The following MICAL2 variants were observed in gnomAD, a reference collection of about 807,000 sequenced individuals.
MICAL2 encodes the protein [F-actin]-monooxygenase MICAL2.
In MICAL2, 77 loss-of-function variants were observed where a neutral mutation model predicts 127.3. That is an observed-to-expected ratio of 0.60 (90% confidence interval 0.50 to 0.73). The LOEUF (loss-of-function observed/expected upper bound fraction) is 0.73. MICAL2 is among the 30% of genes least tolerant of loss of function. The pLI, the probability that MICAL2 is intolerant of heterozygous loss-of-function variation, is 0.00. For synonymous variants in MICAL2, 570 were observed against 551.1 expected (o/e 1.03, Z -0.48); for missense variants, 1,351 against 1,434.4 (o/e 0.94, Z 0.94).
intron 16 of MICAL2, among the ~76,000 whole-genome samples, chr11:12,238,430 T>C (rs1319696743): frequency 6.6e-6 from 1 of 152,226 alleles, no homozygotes; most frequent in Admixed American, 6.5e-5. Flanking sequence ...ATAAGTCACG[T>C]TGATATCATG....
downstream of MICAL2, among the ~76,000 whole-genome samples, chr11:12,360,598 C>A (rs117369764): frequency 0.013 from 2,008 of 152,298 alleles, 22 homozygotes; most frequent in Non-Finnish European, 0.021. Flanking sequence ...GATGTTCAAG[C>A]GTGTCATGTT....
intron 21 of MICAL2, among the ~76,000 whole-genome samples, chr11:12,247,411 A>T (rs949444215): frequency 6.6e-6 from 1 of 152,188 alleles, no homozygotes; most frequent in African/African-American, 2.4e-5. Flanking sequence ...AGCTTCCAAC[A>T]TCTTAATTAT....
At chr11:12,245,998 C>T (rs1565241483) in intron 21 of MICAL2, among the ~76,000 whole-genome samples, 1 of 152,242 alleles carries the variant, frequency 6.6e-6, no homozygotes, top group African/African-American at 2.4e-5. Context: ...CTGACTGGGC[C>T]CTTCAGGGTA....
chr11:12,240,985 CT>C, intron 17 of MICAL2, 54 bp from the exon 18 acceptor site: 2 of 1,598,774 alleles, frequency 1.3e-6, no homozygotes, highest in Admixed American at 1.7e-5. Flanking sequence ...TCTGACTCAC[CT>C]TTTCCTTCAT....
intron 2 of MICAL2, among the ~76,000 whole-genome samples, chr11:12,282,044 C>T (rs1272912116): frequency 6.6e-6 from 1 of 152,146 alleles, no homozygotes; most frequent in Admixed American, 6.6e-5. Context: ...TGGTCATGAG[C>T]AGAATTGCCA....
chr11:12,327,679 T>C (rs1296086068), intron 32 of MICAL2, among the ~76,000 whole-genome samples: 1 of 151,410 alleles, frequency 6.6e-6, no homozygotes, highest in Admixed American at 6.6e-5. Context: ...GTTTTTCCTT[T>C]ACTACCTGTA....
At chr11:12,296,287 A>G (rs1435389872), downstream of MICAL2, among the ~76,000 whole-genome samples, 1 of 151,486 alleles carries the variant, frequency 6.6e-6, no homozygotes, top group Middle Eastern at 3.2e-3. Context: ...TTCTTATTTA[A>G]CTTCTATTTT....
At chr11:12,171,816 G>A (rs10831747) in intron 3 of MICAL2, among the ~76,000 whole-genome samples, 64,335 of 152,042 alleles carry the variant, frequency 0.42, 14,332 homozygotes, top group African/African-American at 0.57. Context: ...CATATATAAT[G>A]TTAAACTTTC....
In MICAL2 at chr11:12,162,112, A is replaced by G; in HGVS notation, c.-44A>G. 6.2e-7 allele frequency: 1 copy of G among 1,611,320 alleles called. No homozygotes were observed. The highest frequency in any genetic ancestry group is 1.1e-5 in the South Asian group (1 of 90,854). On this transcript the variant is annotated 5_prime_UTR_variant, in exon 3 of 28. Coordinates refer to ENST00000683283, the MANE Select transcript of MICAL2 (RefSeq NM_001282663.2). ...TTTCTCCAGATACTTCATGCTGTTC[A>G]CCTGTGTCCTCGCCGCACCACTGCC... is the stretch of plus-strand genomic sequence containing the variant.
Position 12,239,417 on chromosome 11 carries a change from CCCGTTTCAA to C in MICAL2, c.2065-16_2065-8del, listed in dbSNP as rs1294691889. ...GATTCCAGGATCCAACCATCAGTGTCCCGTTTCAACCTTTGCAGCCTTCAAACTTTTCCA... is the reference window on the plus strand; with the variant it reads ...GATTCCAGGATCCAACCATCAGTGTCCCTTTGCAGCCTTCAAACTTTTCCA... On this transcript the variant is annotated splice_polypyrimidine_tract_variant and intron_variant, in intron 16 of 27. Transcript: ENST00000683283. 6.2e-7 allele frequency: 1 copy of C among 1,613,668 alleles called. No individual in the cohort carries two copies. Among genetic ancestry groups the C allele is most frequent in the East Asian group, 2.2e-5 (1 of 44,882 alleles).
At position 12,129,262 on chromosome 11, in the gene MICAL2, C is replaced by T. The variant is rs1296737137; in HGVS notation, c.-148-9128C>T. The stretch of plus-strand genomic sequence containing the variant: ...GCCACATATTCTGACCTGAAGACCC[C>T]ACCTCTCAGGATTTGGAAAATGTCT... On this transcript the variant is annotated intron_variant, in intron 1 of 27. Coordinates refer to ENST00000683283, the MANE Select transcript of MICAL2 (RefSeq NM_001282663.2). Among the ~76,000 whole-genome samples, 3 of 152,298 alleles carry T rather than the reference C, an allele frequency of 2.0e-5. No individual in the cohort carries two copies. In the East Asian group the frequency reaches 5.8e-4, roughly 29 times the overall value.
At chr11:12,259,354 A>T (rs535165755) in intron 25 of MICAL2, among the ~76,000 whole-genome samples, 2 of 152,238 alleles carry the variant, frequency 1.3e-5, no homozygotes, top group African/African-American at 4.8e-5. Flanking sequence ...ATGACATTAA[A>T]TTTTTTTATG....
At chr11:12,324,028 G>A in exon 31 of MICAL2, 1 of 1,613,054 alleles carries the variant, frequency 6.2e-7, no homozygotes, top group South Asian at 1.1e-5. Flanking sequence ...CAATGAAGCA[G>A]TTGGTTAAGC....
At chr11:12,221,831 G>T (rs1455015976) in intron 10 of MICAL2, 72 bp downstream of exon 10, 9 of 1,197,886 alleles carry the variant, frequency 7.5e-6, no homozygotes, top group Admixed American at 1.8e-5. Context: ...AGATCACCCC[G>T]CAGGTGACTG....
At chr11:12,202,882 T>A (rs763558260) in intron 3 of MICAL2, among the ~76,000 whole-genome samples, 32 of 152,244 alleles carry the variant, frequency 2.1e-4, no homozygotes, top group Admixed American at 1.5e-3. Context: ...CACCATTATC[T>A]AATTCCAGAA....
chr11:12,160,233 G>A (rs1854624287), intron 2 of MICAL2, among the ~76,000 whole-genome samples: 5 of 152,178 alleles, frequency 3.3e-5, no homozygotes, highest in East Asian at 1.9e-4. Flanking sequence ...GGCAGGTGGT[G>A]CCCAGTGGGC....
In MICAL2 at chr11:12,224,747, A is replaced by T. The variant is rs1857216212; in HGVS notation, c.1615A>T (p.Thr539Ser). Residue 539 changes from threonine (T) to serine (S), a missense_variant, in exon 13 of 28, where the codon ACC becomes TCC. Thr to Ser is a moderately conservative substitution (Grantham distance 58). Around this residue, in one of 2 missense-constraint regions of MICAL2, gnomAD observed 599 missense variants for 714.9 expected, o/e 0.84. Coordinates refer to ENST00000683283, the MANE Select transcript of MICAL2 (RefSeq NM_001282663.2). The part of the protein sequence containing the change: ...QTEGYQHVNV[T>S]DLTTSWRSGL... ...AGAGGGCTACCAGCATGTCAACGTC[A>T]CCGACCTGACCACATCCTGGCGCAG... 1 of 1,614,196 alleles carries T rather than the reference A, an allele frequency of 6.2e-7. No individual in the cohort carries two copies. Among genetic ancestry groups the T allele is most frequent in the Non-Finnish European group, 8.5e-7 (1 of 1,180,022 alleles).
intron 10 of MICAL2, 115 bp from the exon 11 acceptor site, chr11:12,222,502 G>A: frequency 7.2e-7 from 1 of 1,388,438 alleles, no homozygotes; most frequent in Non-Finnish European, 9.9e-7. Flanking sequence ...GGAAGGGTTA[G>A]ACAAACATGT....
intron 3 of MICAL2, among the ~76,000 whole-genome samples, chr11:12,177,230 G>A (rs1489143278): frequency 6.6e-6 from 1 of 152,064 alleles, no homozygotes; most frequent in Non-Finnish European, 1.5e-5. Context: ...TTTTGATTGG[G>A]ATTTCCCTAA....
Sources: gnomAD v4.1 joint callset for allele counts (sites outside exome capture counted in the v4.1 genomes callset) on GRCh38, gnomAD v4.1.1 for gene constraint, gnomAD v4.1.1 regional missense constraint, MANE v1.5 for transcripts, NCBI Gene and HGNC (gene_info 2026-07-23, HGNC 2026-07-21) for gene names.